Variants in ARMC2 observed in about 807,000 individuals in gnomAD.
The protein encoded by ARMC2 is armadillo repeat-containing protein 2.
ARMC2 carries 67 observed loss-of-function variants against 90.3 expected under a neutral mutation model. The observed-to-expected ratio is 0.74, with a 90% CI of 0.61 to 0.91. ARMC2 has a LOEUF of 0.91. Ranked by LOEUF, ARMC2 falls within the 40% of genes least tolerant of loss-of-function variation. The pLI is 0.00. For synonymous variants in ARMC2, 393 were observed against 393.0 expected (o/e 1.00, Z 0.00); for missense variants, 920 against 1,030.9 (o/e 0.89, Z 1.47).
At position 108,953,112 on chromosome 6, in the gene ARMC2, A is replaced by C; in HGVS notation, c.1676A>C (p.Glu559Ala). 6.2e-7 allele frequency: 1 copy of C among 1,613,968 alleles called. No homozygotes were observed. The highest frequency in any genetic ancestry group is 8.5e-7 in the Non-Finnish European group (1 of 1,179,874). ...CAGGCTCGTGAACAATTTTCCAAAG[A>C]GAAAGGGAGCATCCAAACTCTGCTG... ...NNQAREQFSKEKGSIQTLLSL... is the reference protein window; with the variant it reads ...NNQAREQFSKAKGSIQTLLSL... Residue 559 changes from glutamate to alanine, a missense_variant, in exon 13 of 18, where the codon GAG (glutamate) becomes GCG (alanine). By Grantham distance (107) the Glu-to-Ala change is moderately radical. Transcript: ENST00000392644.
the ARMC2 span, among the ~76,000 whole-genome samples, chr6:109,003,662 T>G: frequency 6.6e-6 from 1 of 152,220 alleles, no homozygotes; most frequent in South Asian, 2.1e-4. Flanking sequence ...ATTATACCCT[T>G]CATTAGAGGA....
chr6:108,988,774 C>T, the ARMC2 span: 15 of 1,079,854 alleles, frequency 1.4e-5, no homozygotes, highest in South Asian at 2.0e-4. Context: ...ATAGTTAATA[C>T]TGTATTTTTT....
the ARMC2 span, among the ~76,000 whole-genome samples, chr6:109,034,867 C>T: frequency 6.6e-6 from 1 of 152,172 alleles, no homozygotes; most frequent in African/African-American, 2.4e-5. Flanking sequence ...TATGGAGCTG[C>T]TAAACCAGTC....
chr6:108,871,396 C>T (rs954850620), intron 4 of ARMC2, among the ~76,000 whole-genome samples: 6 of 152,200 alleles, frequency 3.9e-5, no homozygotes, highest in East Asian at 1.9e-4. Context: ...CCCCGCAACC[C>T]GAGTCCCGTG....
At chr6:108,996,849 A>G in the ARMC2 span, among the ~76,000 whole-genome samples, 1 of 152,204 alleles carries the variant, frequency 6.6e-6, no homozygotes, top group East Asian at 1.9e-4. Flanking sequence ...ATGAAAAATT[A>G]TTCAGTGCTA....
At chr6:108,992,695 A>AG in the ARMC2 span, 3 of 793,766 alleles carry the variant, frequency 3.8e-6, no homozygotes, top group Non-Finnish European at 6.7e-6. Context: ...CAAAGCACTT[A>AG]GCATAGTTCT....
chr6:108,961,443 C>T (rs1562432703), intron 13 of ARMC2, 129 bp from the exon 14 acceptor site: 6 of 1,000,920 alleles, frequency 6.0e-6, no homozygotes, highest in Non-Finnish European at 8.4e-6. Flanking sequence ...AAAGGTGCCT[C>T]TCCAGGGCCT....
rs766639731 is a variant in ARMC2 at position 108,928,130 on chromosome 6, A to G, written c.1393A>G (p.Arg465Gly). The change falls in exon 11 of 18, where the codon AGA (arginine) becomes GGA (glycine). Residue 465 changes from arginine (R) to glycine (G), a missense_variant. Coordinates refer to ENST00000392644, the MANE Select transcript of ARMC2 (RefSeq NM_032131.6). ...LRNLVDSSLV[R>G]SKFLNISALP... ...AAACTTGGTTGATTCATCATTAGTA[A>G]GAAGTAAGTTCCTAAACATCAGTGC... is the stretch of plus-strand genomic sequence containing the variant. 10 of 1,613,234 alleles carry G rather than the reference A, an allele frequency of 6.2e-6. No homozygotes were observed. Among genetic ancestry groups the G allele is most frequent in the Non-Finnish European group, 8.5e-6 (10 of 1,179,626 alleles).
intron 17 of ARMC2, among the ~76,000 whole-genome samples, chr6:108,967,956 C>T (rs1778493778): frequency 6.6e-6 from 1 of 152,178 alleles, no homozygotes; most frequent in Non-Finnish European, 1.5e-5. Flanking sequence ...AGCCCACAGT[C>T]GTAGGCTAGT....
the ARMC2 span, among the ~76,000 whole-genome samples, chr6:109,003,451 A>C: frequency 6.6e-6 from 1 of 152,184 alleles, no homozygotes; most frequent in Non-Finnish European, 1.5e-5. Context: ...GAAAGTCTTT[A>C]AAGCAGAACA....
At chr6:108,936,568 T>C (rs144485562) in intron 11 of ARMC2, among the ~76,000 whole-genome samples, 175 of 152,344 alleles carry the variant, frequency 1.1e-3, no homozygotes, top group African/African-American at 4.0e-3. Flanking sequence ...TTAAAGCAGT[T>C]TTACATTTGC....
At chr6:108,881,781 A>C (rs1481800981) in intron 5 of ARMC2, among the ~76,000 whole-genome samples, 1 of 152,176 alleles carries the variant, frequency 6.6e-6, no homozygotes, top group Non-Finnish European at 1.5e-5. Context: ...TTTTGTGTGC[A>C]TCACAGCGAC....
intron 1 of ARMC2, among the ~76,000 whole-genome samples, chr6:108,850,261 A>G: frequency 6.6e-6 from 1 of 152,202 alleles, no homozygotes; most frequent in East Asian, 1.9e-4. Flanking sequence ...GACTCAGGAT[A>G]GTGTGATGCA....
At chr6:108,859,872 T>G (rs1219020593) in intron 3 of ARMC2, among the ~76,000 whole-genome samples, 3 of 152,076 alleles carry the variant, frequency 2.0e-5, no homozygotes, top group Non-Finnish European at 4.4e-5. Flanking sequence ...GGCATGGTGG[T>G]GCATGTTTGC....
chr6:108,965,198 T>C, intron 17 of ARMC2, 58 bp downstream of exon 17: 2 of 1,461,436 alleles, frequency 1.4e-6, no homozygotes, highest in Non-Finnish European at 1.9e-6. Context: ...GATAGTTTTT[T>C]TCTGTGACCT....
rs373656754 is a variant in ARMC2 at position 108,899,778 on chromosome 6, G to T, written c.833G>T (p.Arg278Leu). Reference sequence around the variant, plus strand: ...AATACAAGGATTGTACCGATTTTGCGTGAATTAGAAAAGGGTAAAACACAA... The same window carrying T: ...AATACAAGGATTGTACCGATTTTGCTTGAATTAGAAAAGGGTAAAACACAA... Reference protein sequence around the residue: ...FWNTRIVPILRELEKEENIET... With the variant: ...FWNTRIVPILLELEKEENIET... The change falls in exon 7 of 18, where the codon CGT (arginine) becomes CTT (leucine). Residue 278 changes from arginine (R) to leucine (L), a missense_variant. Transcript: ENST00000392644. 39 of 1,611,860 alleles carry T rather than the reference G, an allele frequency of 2.4e-5. No individual in the cohort carries two copies. Among genetic ancestry groups the T allele is most frequent in the Admixed American group, 3.3e-5 (2 of 59,776 alleles).
chr6:108,855,730 T>C (rs1774515663), intron 2 of ARMC2, among the ~76,000 whole-genome samples: 1 of 152,216 alleles, frequency 6.6e-6, no homozygotes, highest in Non-Finnish European at 1.5e-5. Flanking sequence ...GCATTGACAT[T>C]GTCAGTGTTC....
At chr6:109,039,571 C>T in the ARMC2 span, among the ~76,000 whole-genome samples, 1 of 152,216 alleles carries the variant, frequency 6.6e-6, no homozygotes, top group Non-Finnish European at 1.5e-5. Flanking sequence ...CTATCTTTAT[C>T]TTGATAAGCA....
the ARMC2 span, among the ~76,000 whole-genome samples, chr6:109,005,759 T>C: frequency 6.6e-6 from 1 of 152,194 alleles, no homozygotes; most frequent in African/African-American, 2.4e-5. Context: ...ATAGGGATGA[T>C]GACAAAATAA....
Sources: gnomAD v4.1 joint callset for allele counts (sites outside exome capture counted in the v4.1 genomes callset) on GRCh38, gnomAD v4.1.1 for gene constraint, MANE v1.5 for transcripts, NCBI Gene and HGNC (gene_info 2026-07-23, HGNC 2026-07-21) for gene names.